ACOXL: variants seen among roughly 807,000 people sequenced by gnomAD.
ACOXL encodes the protein acyl-CoA oxidase like.
In ACOXL, 70 loss-of-function variants were observed where a neutral mutation model predicts 71.9. The ratio of observed to expected loss-of-function variants is 0.97; its 90% CI spans 0.80 to 1.19. The LOEUF (loss-of-function observed/expected upper bound fraction) is 1.19. Ranked by LOEUF, ACOXL falls within the 50% of genes most tolerant of loss-of-function variation. The pLI is 0.00. For missense variants in ACOXL, 703 were observed against 736.3 expected, an observed-to-expected ratio of 0.95 and a Z score of 0.52; for synonymous variants, 253 against 281.6, an observed-to-expected ratio of 0.90 and a Z score of 1.02.
chr2:110,801,771 C>G, intron 8 of ACOXL, 47 bp downstream of exon 8: 1 of 1,556,390 alleles, frequency 6.4e-7, no homozygotes, highest in South Asian at 1.1e-5. Context: ...GATGATCTCA[C>G]TGCTCTCCAA....
chr2:111,070,276 T>G (rs2067278731), intron 16 of ACOXL, among the ~76,000 whole-genome samples: 1 of 152,150 alleles, frequency 6.6e-6, no homozygotes, highest in Non-Finnish European at 1.5e-5. Context: ...AATGGTAGAC[T>G]GGATAAAGAA....
intron 1 of ACOXL, among the ~76,000 whole-genome samples, chr2:110,749,913 T>C (rs1431401475): frequency 6.6e-6 from 1 of 152,214 alleles, no homozygotes; most frequent in Non-Finnish European, 1.5e-5. Flanking sequence ...ATGACCTGGC[T>C]GTTTTGAAGA....
intron 16 of ACOXL, among the ~76,000 whole-genome samples, chr2:111,071,206 C>T (rs2067324886): frequency 6.6e-6 from 1 of 152,146 alleles, no homozygotes; most frequent in South Asian, 2.1e-4. Flanking sequence ...AAAAGAGACT[C>T]TGATCTTGAA....
At chr2:110,908,768 G>A (rs372036759) in intron 10 of ACOXL, 21 bp from the exon 11 acceptor site, 102 of 1,593,626 alleles carry the variant, frequency 6.4e-5, no homozygotes, top group Non-Finnish European at 8.1e-5. Context: ...GGTAAAAATC[G>A]TGTCTGTTGA....
At chr2:110,867,844 G>A (rs990227487) in intron 10 of ACOXL, among the ~76,000 whole-genome samples, 2 of 152,030 alleles carry the variant, frequency 1.3e-5, no homozygotes, top group African/African-American at 2.4e-5. Flanking sequence ...CTCACTGCAA[G>A]CTCTGCCTCT....
At chr2:110,784,654 A>G (rs1284841359) in intron 2 of ACOXL, 78 bp from the exon 3 acceptor site, 16 of 1,118,596 alleles carry the variant, frequency 1.4e-5, no homozygotes, top group Non-Finnish European at 2.0e-5. Context: ...AGTAACATGC[A>G]TTTCTTATAA....
At chr2:110,845,055 T>C (rs1277109391) in intron 10 of ACOXL, among the ~76,000 whole-genome samples, 1 of 152,266 alleles carries the variant, frequency 6.6e-6, no homozygotes, top group Non-Finnish European at 1.5e-5. Context: ...ATCAGCCATT[T>C]GTTTTAGTCT....
chr2:110,874,533 AC>A (rs1695658805), intron 10 of ACOXL, among the ~76,000 whole-genome samples: 1 of 152,086 alleles, frequency 6.6e-6, no homozygotes, highest in African/African-American at 2.4e-5. Context: ...CCTTGAGCAA[AC>A]CCATCACTGT....
At chr2:110,788,690 T>C (rs752685326) in intron 3 of ACOXL, among the ~76,000 whole-genome samples, 2 of 152,374 alleles carry the variant, frequency 1.3e-5, no homozygotes, top group Non-Finnish European at 2.9e-5. Flanking sequence ...TATTATTAAC[T>C]ATGCTGTCCC....
rs1475842863 is a variant in ACOXL, at chr2:110,806,065, A to G, written c.753+670A>G. On this transcript the variant is annotated intron_variant, in intron 9 of 17. Transcript: ENST00000439055. ...AAAAATTAAGTCTCCCCAGGAATAT[A>G]CATCTGGGGCTTGAGTCCAGCTTTT... Among the ~76,000 whole-genome samples, 3 of 152,252 alleles carry G rather than the reference A, an allele frequency of 2.0e-5. No individual in the cohort carries two copies. In the South Asian group the frequency reaches 6.2e-4, roughly 32 times the overall value.
intron 16 of ACOXL, among the ~76,000 whole-genome samples, chr2:111,080,680 A>G (rs896177058): frequency 1.3e-5 from 2 of 152,198 alleles, no homozygotes; most frequent in Non-Finnish European, 2.9e-5. Context: ...TGAGGCCAGC[A>G]TCATCCTGAT....
At chr2:110,937,219 T>C (rs916848092) in intron 12 of ACOXL, among the ~76,000 whole-genome samples, 1 of 152,204 alleles carries the variant, frequency 6.6e-6, no homozygotes, top group African/African-American at 2.4e-5. Flanking sequence ...TTGGCATTTC[T>C]GATGACCAGC....
chr2:111,054,727 T>C (rs1264136023), intron 16 of ACOXL, among the ~76,000 whole-genome samples: 1 of 152,116 alleles, frequency 6.6e-6, no homozygotes, highest in African/African-American at 2.4e-5. Flanking sequence ...TTTTAAGAAG[T>C]CAGACACATT....
chr2:110,853,956 G>A (rs927913928), intron 10 of ACOXL, among the ~76,000 whole-genome samples: 1 of 142,020 alleles, frequency 7.0e-6, no homozygotes, highest in South Asian at 2.2e-4. Context: ...AGATTAATTT[G>A]TTCATTCAAC....
intron 10 of ACOXL, among the ~76,000 whole-genome samples, chr2:110,878,812 C>A (rs570491423): frequency 6.6e-6 from 1 of 151,826 alleles, no homozygotes; most frequent in Non-Finnish European, 1.5e-5. Flanking sequence ...GTAATCTCAG[C>A]ACTTTGGGAG....
intron 12 of ACOXL, among the ~76,000 whole-genome samples, chr2:110,940,609 C>G (rs1252915293): frequency 6.6e-6 from 1 of 152,140 alleles, no homozygotes; most frequent in Non-Finnish European, 1.5e-5. Context: ...TCACGTTTGG[C>G]CTCACTGAGA....
chr2:110,956,305 G>A (rs758695369), intron 12 of ACOXL, among the ~76,000 whole-genome samples: 15 of 152,102 alleles, frequency 9.9e-5, no homozygotes, highest in Admixed American at 2.6e-4. Context: ...TATGGGTAGC[G>A]TAGTGCCTAA....
intron 17 of ACOXL, chr2:111,093,667 C>A (rs2068656934): frequency 1.3e-6 from 1 of 786,420 alleles, no homozygotes; most frequent in Non-Finnish European, 2.0e-6. Flanking sequence ...GAGTTCGACA[C>A]CATCTTGGGC....
chr2:111,102,630 G>A (rs1215495356), intron 17 of ACOXL, among the ~76,000 whole-genome samples: 1 of 150,288 alleles, frequency 6.7e-6, no homozygotes, highest in Non-Finnish European at 1.5e-5. Flanking sequence ...TTGTACCTAA[G>A]AATAGCCATG....
Sources: allele counts gnomAD v4.1 joint callset (sites outside exome capture counted in the v4.1 genomes callset), GRCh38; gene constraint gnomAD v4.1.1; transcripts MANE v1.5; gene names NCBI Gene and HGNC (gene_info 2026-07-23, HGNC 2026-07-21).